The following MFRP variants were observed in gnomAD, a reference collection of about 807,000 sequenced individuals.
MFRP encodes the protein membrane frizzled-related protein, also known as C1q and TNF related 5.
MFRP carries 74 observed loss-of-function variants against 65.8 expected under a neutral mutation model. The ratio of observed to expected loss-of-function variants is 1.12; its 90% CI spans 0.93 to 1.36. The LOEUF (loss-of-function observed/expected upper bound fraction) is 1.36, where lower values mean the gene tolerates loss of function less well. MFRP is among the 40% of genes most tolerant of loss of function. The pLI is 0.00. For synonymous variants in MFRP, 336 were observed against 288.3 expected (o/e 1.17, Z -1.68); for missense variants, 838 against 736.0 (o/e 1.14, Z -1.60).
In MFRP at chr11:119,339,642, C is replaced by T. The variant is rs1321344741; in HGVS notation, c.*1317G>A. 1 of 1,612,536 alleles carries T rather than the reference C, an allele frequency of 6.2e-7. No individual in the cohort carries two copies. Among genetic ancestry groups the T allele is most frequent in the African/African-American group, 1.3e-5 (1 of 74,958 alleles). The stretch of plus-strand genomic sequence containing the variant: ...CCAGGCACCTGGCAGGTGAACTTGC[C>T]GGTGACGGCGTCGTAATGTCCCTGC... On this transcript the variant is annotated 3_prime_UTR_variant, in exon 15 of 15. Coordinates refer to ENST00000619721, the MANE Select transcript of MFRP (RefSeq NM_031433.4). This position sits in a 1 kb window ranked among gnomAD's most constrained non-coding sequence, Gnocchi z 5.4.
In MFRP at chr11:119,346,089, C is replaced by T. The variant is rs1251159708; in HGVS notation, c.228G>A (p.Leu76=). The change falls in exon 3 of 15, where the codon CTG becomes CTA. Residue 76 remains leucine (L), a synonymous_variant. Coordinates refer to ENST00000619721, the MANE Select transcript of MFRP (RefSeq NM_031433.4). ...CCAGCAGCCCAAGCAGCAGGAGGAG[C>T]AGGCTGGAGAGCAGGAGGACACAGA... ...SWLCVLLLSS[L]LLLLLGLLVA... is the part of the protein sequence containing the mutation. 5 of 1,609,298 alleles carry T rather than the reference C, an allele frequency of 3.1e-6. No homozygotes were observed. In the Admixed American group the frequency reaches 5.1e-5, roughly 16 times the overall value.
Position 119,343,836 on chromosome 11 carries a change from C to T in MFRP, c.1104G>A (p.Gly368=), listed in dbSNP as rs760893187. 6.2e-6 allele frequency: 10 copies of T among 1,613,754 alleles called. No homozygotes were observed. The highest frequency in any genetic ancestry group is 8.5e-6 in the Non-Finnish European group (10 of 1,179,998). Residue 368 remains glycine, a synonymous_variant, in exon 9 of 15, where the codon GGG becomes GGA. Coordinates refer to ENST00000619721, the MANE Select transcript of MFRP (RefSeq NM_031433.4). ...TGTACCTGCCCAGGAGGCTGAAGGC[C>T]CCTGAGCTGCTGGTCTCATACACCT... ...YVEVYETSSS[G]AFSLLGRFCG... is the part of the protein sequence containing the mutation.
rs756981236 is a variant in MFRP at position 119,341,903 on chromosome 11, C to G, written c.1469G>C (p.Gly490Ala). 1.2e-6 allele frequency: 2 copies of G among 1,614,016 alleles called. No homozygotes were observed. The highest frequency in any genetic ancestry group is 1.7e-6 in the Non-Finnish European group (2 of 1,179,992). Residue 490 changes from glycine (G) to alanine (A), a missense_variant, in exon 12 of 15, where the codon GGC (glycine) becomes GCC (alanine). Gly to Ala is a moderately conservative substitution (Grantham distance 60, BLOSUM62 0). Coordinates refer to ENST00000619721, the MANE Select transcript of MFRP (RefSeq NM_031433.4). ...TACCACCTCCTCCTGGGTGATCATG[C>G]CCACCCAGATGTTAGGGAAGGCTGT... is the stretch of plus-strand genomic sequence containing the variant. ...NTTAFPNIWV[G>A]MITQEEVVEV...
Position 119,345,415 on chromosome 11 carries a change from C to A in MFRP, c.641+5G>T. Reference sequence around the variant, plus strand: ...GTGGGATGTCCTGGGGACAGAGGGACCTACCTGAGGAGGGGGCCTTCAGGC... The same window carrying A: ...GTGGGATGTCCTGGGGACAGAGGGAACTACCTGAGGAGGGGGCCTTCAGGC... On this transcript the variant is annotated splice_donor_5th_base_variant and intron_variant, in intron 5 of 14. Transcript: ENST00000619721. 6.2e-7 allele frequency: 1 copy of A among 1,613,632 alleles called. No individual in the cohort carries two copies. The highest frequency in any genetic ancestry group is 8.5e-7 in the Non-Finnish European group (1 of 1,179,826).
In MFRP at chr11:119,344,879, C is replaced by G; in HGVS notation, c.767G>C (p.Gly256Ala). ...FHAWYQAMAP[G>A]RGSCAHDEFR... ...GCAGGTGGGAACACACTCACCGCGCCCAGGGGCCATAGCCTGGTACCAGGC... is the reference window on the plus strand; with the variant it reads ...GCAGGTGGGAACACACTCACCGCGCGCAGGGGCCATAGCCTGGTACCAGGC... The change falls in exon 6 of 15, where the codon GGG becomes GCG. Residue 256 changes from glycine (G) to alanine (A), a missense_variant. Physicochemically the swap from Gly to Ala is moderately conservative, Grantham distance 60. Transcript: ENST00000619721. 1 of 1,613,194 alleles carries G rather than the reference C, an allele frequency of 6.2e-7. No individual in the cohort carries two copies. Among genetic ancestry groups the G allele is most frequent in the South Asian group, 1.1e-5 (1 of 91,034 alleles).
At position 119,343,815 on chromosome 11, in the gene MFRP, C is replaced by A. The variant is rs145719998; in HGVS notation, c.1124+1G>T. ...CCATGGCTCTTCCCTGGCTCCTGTA[C>A]CTGCCCAGGAGGCTGAAGGCCCCTG... On this transcript the variant is annotated splice_donor_variant, in intron 9 of 14. Transcript: ENST00000619721. LOFTEE classifies it high-confidence loss of function. 1.7e-4 allele frequency: 271 copies of A among 1,613,852 alleles called. No individual in the cohort carries two copies. Among genetic ancestry groups the A allele is most frequent in the Non-Finnish European group, 2.0e-4 (235 of 1,180,008 alleles).
At chr11:119,344,039 T>C in intron 8 of MFRP, 75 bp from the exon 9 acceptor site, 1 of 1,586,286 alleles carries the variant, frequency 6.3e-7, no homozygotes, top group African/African-American at 1.3e-5. Context: ...AGGGTCTTCT[T>C]CCCCCACTGC....
In MFRP at chr11:119,342,926, C is replaced by T. The variant is rs1950517799; in HGVS notation, c.1202G>A (p.Gly401Asp). The T allele has an allele frequency of 6.2e-7, 1 of 1,612,694 alleles. No homozygotes were observed. Among genetic ancestry groups the T allele is most frequent in the Non-Finnish European group, 8.5e-7 (1 of 1,179,842 alleles). The change falls in exon 10 of 15, where the codon GGC (glycine) becomes GAC (aspartate). Residue 401 changes from glycine (G) to aspartate (D), a missense_variant. Physicochemically the swap from Gly to Asp is moderately conservative, Grantham distance 94. Transcript: ENST00000619721. ...GGCTGAGAAGCCTCCACTGCTGATG[C>T]CATGATCTGTCCTAAACAGCACAGC... ...ELAVLFRTDH[G>D]ISSGGFSATY... is the part of the protein sequence containing the mutation.
At position 119,339,712 on chromosome 11, in the gene MFRP, C is replaced by T; in HGVS notation, c.*1247G>A. 6.2e-7 allele frequency: 1 copy of T among 1,603,236 alleles called. No homozygotes were observed. Among genetic ancestry groups the T allele is most frequent in the Non-Finnish European group, 8.5e-7 (1 of 1,178,654 alleles). On this transcript the variant is annotated 3_prime_UTR_variant, in exon 15 of 15. Transcript: ENST00000619721. The surrounding 1 kb of genome is among the most constrained non-coding windows in gnomAD (Gnocchi z 5.4). ...CGAAGGGCAAGGGTGCGTCAGACGGCGGAGGCACCCGGCTCTCGGAGCGCT... is the reference window on the plus strand; with the variant it reads ...CGAAGGGCAAGGGTGCGTCAGACGGTGGAGGCACCCGGCTCTCGGAGCGCT...
chr11:119,344,069 G>T, intron 8 of MFRP, 105 bp from the exon 9 acceptor site: 1 of 1,450,236 alleles, frequency 6.9e-7, no homozygotes, highest in South Asian at 1.2e-5. Context: ...GGATGGGGTG[G>T]TGCTTTCATC....
Position 119,345,783 on chromosome 11 carries a change from G to A in MFRP, c.417C>T (p.Ser139=). 3 of 1,613,704 alleles carry A rather than the reference G, an allele frequency of 1.9e-6. No individual in the cohort carries two copies. The highest frequency in any genetic ancestry group is 2.5e-6 in the Non-Finnish European group (3 of 1,180,028). Residue 139 remains serine (S), a synonymous_variant, in exon 4 of 15, where the codon TCC becomes TCT. Transcript: ENST00000619721. The stretch of plus-strand genomic sequence containing the variant: ...GCCCCCAGTACTCACTGGACTGTGG[G>A]GAGGGGCTCACGCCTGACTCCTGCT... ...KGQQESGVSP[S]PQSTCGGLLS...
rs778890127 is a variant in MFRP at position 119,341,576 on chromosome 11, G to A, written c.1712C>T (p.Ala571Val). The stretch of plus-strand genomic sequence containing the variant: ...GGGCTGGGCACAAGCTTCCAGGTCA[G>A]CTGCCTCTGGCAGCCTGTTGCAGTT... Reference protein sequence around the residue: ...PFNCNRLPEAADLEACAQP With the variant: ...PFNCNRLPEAVDLEACAQP The change falls in exon 13 of 15, where the codon GCT becomes GTT. Residue 571 changes from alanine to valine, a missense_variant. Ala to Val is a moderately conservative substitution (Grantham distance 64, BLOSUM62 0). Coordinates refer to ENST00000619721, the MANE Select transcript of MFRP (RefSeq NM_031433.4). 1 of 1,612,770 alleles carries A rather than the reference G, an allele frequency of 6.2e-7. No homozygotes were observed. Among genetic ancestry groups the A allele is most frequent in the Non-Finnish European group, 8.5e-7 (1 of 1,179,950 alleles).
rs1282633884 is a variant in MFRP at position 119,339,854 on chromosome 11, G to A, written c.*1111-6C>T. The A allele has an allele frequency of 6.8e-7, 1 of 1,467,864 alleles. No individual in the cohort carries two copies. Among genetic ancestry groups the A allele is most frequent in the Non-Finnish European group, 8.9e-7 (1 of 1,117,612 alleles). 90.9% of individuals were successfully genotyped at this position (1,467,864 alleles called of 1,614,324 possible). A position where few individuals can be genotyped will look rare whatever the true frequency, so the allele number is the denominator to read the frequency against. On this transcript the variant is annotated splice_region_variant and splice_polypyrimidine_tract_variant and intron_variant, in intron 14 of 14. Coordinates refer to ENST00000619721, the MANE Select transcript of MFRP (RefSeq NM_031433.4). The surrounding 1 kb of genome is among the most constrained non-coding windows in gnomAD (Gnocchi z 5.4). ...CCCTCGAGGTCCCGGCAGTCCTGCGGGGTAAGCGGGGCGGCAGGGTGAGAG... is the reference window on the plus strand; with the variant it reads ...CCCTCGAGGTCCCGGCAGTCCTGCGAGGTAAGCGGGGCGGCAGGGTGAGAG...
At position 119,344,543 on chromosome 11, in the gene MFRP, G is replaced by T. The variant is rs2509388; in HGVS notation, c.898+89C>A. 8.7e-6 allele frequency: 14 copies of T among 1,603,516 alleles called. No individual in the cohort carries two copies. The Middle Eastern group carries it at 7.3e-4, about 83-fold the overall frequency. On this transcript the variant is annotated intron_variant, in intron 7 of 14. Transcript: ENST00000619721. ...ACTGAGCAGGAAATGCTGACGGAGG[G>T]CCCGGTTTGAGGCTGGACCAGAGCT... is the stretch of plus-strand genomic sequence containing the variant.
Position 119,339,981 on chromosome 11 carries a change from C to T in MFRP, c.*1111-133G>A. 2 of 1,312,234 alleles carry T rather than the reference C, an allele frequency of 1.5e-6. No individual in the cohort carries two copies. Among genetic ancestry groups the T allele is most frequent in the South Asian group, 1.6e-5 (1 of 62,636 alleles). The allele number at this position is 1,312,234 out of a possible 1,614,324, so 81.3% of individuals were successfully genotyped here. A position where few individuals can be genotyped will look rare whatever the true frequency, so the allele number is the denominator to read the frequency against. ...CCAGCGCCTCCTCCCGCACGGGTAC[C>T]TCCTCCACCCCTTCCCGCAGGGCAG... On this transcript the variant is annotated intron_variant, in intron 14 of 14. Coordinates refer to ENST00000619721, the MANE Select transcript of MFRP (RefSeq NM_031433.4). This position sits in a 1 kb window ranked among gnomAD's most constrained non-coding sequence, Gnocchi z 5.4.
intron 6 of MFRP, 45 bp from the exon 7 acceptor site, chr11:119,344,802 C>A: frequency 6.2e-7 from 1 of 1,613,754 alleles, no homozygotes; most frequent in Non-Finnish European, 8.5e-7. Flanking sequence ...AGTCTCCACC[C>A]CTTTGACAGG....
intron 9 of MFRP, 112 bp from the exon 10 acceptor site, chr11:119,343,115 A>G (rs1012546773): frequency 6.8e-6 from 9 of 1,331,058 alleles, no homozygotes; most frequent in African/African-American, 2.9e-5. Context: ...GCCAAAGGTG[A>G]TGGAAGACAC....
chr11:119,340,796 C>G lies in MFRP; in HGVS notation c.*752G>C. 1 of 259,982 alleles carries G rather than the reference C, an allele frequency of 3.8e-6. No individual in the cohort carries two copies. The allele number at this position is 259,982 out of a possible 1,614,324, so 16.1% of individuals were successfully genotyped here. ...CCCGCGCTTCTCCCCGGCCAGGCGC[C>G]CCCTGCCCTGCCGTCACCCCAGTCC... On this transcript the variant is annotated 3_prime_UTR_variant, in exon 13 of 15. Coordinates refer to ENST00000619721, the MANE Select transcript of MFRP (RefSeq NM_031433.4).
rs1230334390 is a variant in MFRP, at chr11:119,342,643, G to A, written c.1340C>T (p.Thr447Ile). The A allele has an allele frequency of 1.2e-6, 2 of 1,613,642 alleles. No homozygotes were observed. Among genetic ancestry groups the A allele is most frequent in the Non-Finnish European group, 1.7e-6 (2 of 1,179,940 alleles). Residue 447 changes from threonine to isoleucine, a missense_variant, in exon 11 of 15, where the codon ACC becomes ATC. Physicochemically the swap from Thr to Ile is moderately conservative, Grantham distance 89. Transcript: ENST00000619721. ...GCTGCAGTTGTCATCGCTGCCATCG[G>A]TGCAGTCTCTCCACATGTCACACAT... Reference protein sequence around the residue: ...QWMCDMWRDCTDGSDDNCSGP... With the variant: ...QWMCDMWRDCIDGSDDNCSGP...
Sources: gnomAD v4.1 joint callset for allele counts on GRCh38, gnomAD v4.1.1 for gene constraint, Gnocchi (gnomAD v3.1) non-coding constraint, MANE v1.5 for transcripts, NCBI Gene and HGNC (gene_info 2026-07-23, HGNC 2026-07-21) for gene names.